Variants in RAB3GAP2 observed in about 807,000 individuals in gnomAD.
RAB3GAP2 encodes rab3 GTPase-activating protein non-catalytic subunit.
RAB3GAP2 carries 87 observed loss-of-function variants against 185.3 expected under a neutral mutation model. That is an observed-to-expected ratio of 0.47 (90% CI 0.39 to 0.56). The LOEUF is 0.56. Among genes scored for constraint, RAB3GAP2 ranks in the 20% least tolerant of loss-of-function variants. The pLI, the probability that RAB3GAP2 is intolerant of heterozygous loss-of-function variation, is 0.00. For synonymous variants in RAB3GAP2, 554 were observed against 576.1 expected (o/e 0.96, Z 0.55); for missense variants, 1,492 against 1,638.2 (o/e 0.91, Z 1.54).
chr1:220,256,823 G>A (rs1284502378), intron 1 of RAB3GAP2, among the ~76,000 whole-genome samples: 1 of 152,066 alleles, frequency 6.6e-6, no homozygotes, highest in East Asian at 1.9e-4. Flanking sequence ...AACACCAACT[G>A]ACAACATTAG....
chr1:220,193,309 C>T lies in RAB3GAP2; in HGVS notation c.1201G>A (p.Val401Ile). The T allele has an allele frequency of 6.2e-7, 1 of 1,613,988 alleles. No homozygotes were observed. The highest frequency in any genetic ancestry group is 8.5e-7 in the Non-Finnish European group (1 of 1,179,938). The change falls in exon 13 of 35, where the codon GTA becomes ATA. Residue 401 changes from valine (V) to isoleucine (I), a missense_variant. Coordinates refer to ENST00000358951, the MANE Select transcript of RAB3GAP2 (RefSeq NM_012414.4). Reference protein sequence around the residue: ...CLSPCNTLAAVTDDFGRVILL... With the variant: ...CLSPCNTLAAITDDFGRVILL... ...ATAACTCTGCCGAAATCATCTGTTA[C>T]TGCTGCCAGTGTGTTACATGGAGAC... is the stretch of plus-strand genomic sequence containing the variant.
rs1479112715 is a variant in RAB3GAP2, at chr1:220,191,247, T to C, written c.1308A>G (p.Val436=). The C allele has an allele frequency of 6.2e-7, 1 of 1,613,126 alleles. No individual in the cohort carries two copies. The highest frequency in any genetic ancestry group is 8.5e-7 in the Non-Finnish European group (1 of 1,179,898). The change falls in exon 14 of 35, where the codon GTA becomes GTG. Residue 436 remains valine (V), a synonymous_variant. Coordinates refer to ENST00000358951, the MANE Select transcript of RAB3GAP2 (RefSeq NM_012414.4). ...CTGGCACTCTTTCATGGAGGTCCTC[T>C]ACAGTTTGAATCCATCCAATTTGTG... The part of the protein sequence containing the change: ...RDAQIGWIQT[V]EDLHERVPEK...
At chr1:220,207,794 C>T (rs1658996973) in intron 7 of RAB3GAP2, 1 of 152,216 alleles carries the variant, frequency 6.6e-6, no homozygotes, top group Non-Finnish European at 1.5e-5. Context: ...TGCTAGATGA[C>T]AGAGAAGATC....
intron 7 of RAB3GAP2, chr1:220,208,242 A>G (rs895452911): frequency 1.3e-5 from 2 of 152,260 alleles, no homozygotes; most frequent in South Asian, 2.1e-4. Flanking sequence ...CAATTTTTAG[A>G]AAAATGAAAA....
chr1:220,174,029 A>G (rs1233052918), intron 21 of RAB3GAP2, among the ~76,000 whole-genome samples: 1 of 151,312 alleles, frequency 6.6e-6, no homozygotes, highest in Non-Finnish European at 1.5e-5. Context: ...CAAAAAAAAA[A>G]AAAAAAAAAG....
chr1:220,170,803 CTT>C, intron 24 of RAB3GAP2, 87 bp downstream of exon 24: 1 of 1,080,954 alleles, frequency 9.3e-7, no homozygotes, highest in African/African-American at 1.6e-5. Flanking sequence ...GTGTATTTTT[CTT>C]TCTCTATTCT....
Position 220,149,782 on chromosome 1 carries a change from T to C in RAB3GAP2, c.*1469A>G, listed in dbSNP as rs988564419. The C allele has an allele frequency of 6.6e-6, 1 of 152,248 alleles. No homozygotes were observed. The highest frequency in any genetic ancestry group is 2.4e-5 in the African/African-American group (1 of 41,466). The allele number at this position is 152,248 out of a possible 1,614,324, so 9.4% of individuals were successfully genotyped here. ...GTAAGATTTCAAGTTTGATAGTTACTTAACAGTAATTACTAAATTTTAGCC... is the reference window on the plus strand; with the variant it reads ...GTAAGATTTCAAGTTTGATAGTTACCTAACAGTAATTACTAAATTTTAGCC... On this transcript the variant is annotated 3_prime_UTR_variant, in exon 35 of 35. Coordinates refer to ENST00000358951, the MANE Select transcript of RAB3GAP2 (RefSeq NM_012414.4).
intron 1 of RAB3GAP2, among the ~76,000 whole-genome samples, chr1:220,262,086 G>A (rs1660147524): frequency 6.7e-6 from 1 of 149,136 alleles, no homozygotes; most frequent in Non-Finnish European, 1.5e-5. Context: ...TCAGGAGATC[G>A]AGACCATCCT....
chr1:220,187,817 G>A (rs1450786683), intron 17 of RAB3GAP2, among the ~76,000 whole-genome samples: 2 of 151,986 alleles, frequency 1.3e-5, no homozygotes, highest in Non-Finnish European at 2.9e-5. Context: ...AAACGTTCAA[G>A]TAAAACGTTT....
chr1:220,211,024 T>C, intron 4 of RAB3GAP2, 22 bp from the exon 5 acceptor site: 1 of 1,608,338 alleles, frequency 6.2e-7, no homozygotes, highest in Non-Finnish European at 8.5e-7. Context: ...AACAAAATCA[T>C]ATGCTTACCC....
intron 1 of RAB3GAP2, among the ~76,000 whole-genome samples, chr1:220,238,321 A>C (rs1659632728): frequency 6.6e-6 from 1 of 152,204 alleles, no homozygotes; most frequent in East Asian, 1.9e-4. Flanking sequence ...CCAAGTGCTC[A>C]AAACTACATG....
intron 21 of RAB3GAP2, among the ~76,000 whole-genome samples, chr1:220,174,259 T>G (rs899659493): frequency 6.6e-6 from 1 of 151,540 alleles, no homozygotes; most frequent in South Asian, 2.1e-4. Context: ...CACACATATA[T>G]ACACACACAC....
At chr1:220,251,665 T>C (rs1433319805) in intron 1 of RAB3GAP2, among the ~76,000 whole-genome samples, 1 of 151,936 alleles carries the variant, frequency 6.6e-6, no homozygotes, top group Non-Finnish European at 1.5e-5. Flanking sequence ...GCACTGATTA[T>C]CATAGATAGG....
chr1:220,214,626 G>GA (rs962862857), intron 2 of RAB3GAP2, among the ~76,000 whole-genome samples: 11 of 151,302 alleles, frequency 7.3e-5, no homozygotes, highest in Admixed American at 2.6e-4. Flanking sequence ...AGACAGCAAA[G>GA]AAAAAAAATG....
chr1:220,201,593 G>C (rs1312554400), intron 9 of RAB3GAP2, among the ~76,000 whole-genome samples: 1 of 151,988 alleles, frequency 6.6e-6, no homozygotes. Flanking sequence ...TCCACCTCCC[G>C]GGTTCAGGCA....
rs549038045 is a variant in RAB3GAP2 at position 220,271,422 on chromosome 1, A to G, written c.115+801T>C. On this transcript the variant is annotated intron_variant, in intron 1 of 34. Transcript: ENST00000358951. ...CAAAATGAAATGTACGAAATTCTGA[A>G]AGCCTATATAGTATCTAATAAACCA... Among the ~76,000 whole-genome samples the G allele has an allele frequency of 1.2e-4, 18 of 152,234 alleles. 1 individual carries two copies. The highest frequency in any genetic ancestry group is 1.2e-3 in the Admixed American group (18 of 15,288).
intron 7 of RAB3GAP2, among the ~76,000 whole-genome samples, chr1:220,209,170 T>C (rs1659031975): frequency 6.6e-6 from 1 of 152,224 alleles, no homozygotes; most frequent in Non-Finnish European, 1.5e-5. Flanking sequence ...AAATCTTCAA[T>C]ATTCCTTTGA....
intron 1 of RAB3GAP2, among the ~76,000 whole-genome samples, chr1:220,253,059 A>G (rs2102524729): frequency 6.6e-6 from 1 of 152,292 alleles, no homozygotes; most frequent in Admixed American, 6.5e-5. Context: ...GTGGTTCGGT[A>G]GACTCAGGCA....
At chr1:220,213,746 G>T in intron 3 of RAB3GAP2, 110 bp downstream of exon 3, 1 of 1,001,664 alleles carries the variant, frequency 1.0e-6, no homozygotes, top group Non-Finnish European at 1.4e-6. Flanking sequence ...GGGGGGGGGA[G>T]AGAGAGAGAA....
Sources: allele counts gnomAD v4.1 joint callset (sites outside exome capture counted in the v4.1 genomes callset), GRCh38; gene constraint gnomAD v4.1.1; transcripts MANE v1.5; gene names NCBI Gene and HGNC (gene_info 2026-07-23, HGNC 2026-07-21).